C8orf34: variants seen among roughly 807,000 people sequenced by gnomAD.
The protein encoded by C8orf34 is uncharacterized protein C8orf34.
In C8orf34, 65 loss-of-function variants were observed where a neutral mutation model predicts 68.3. That is an observed-to-expected ratio of 0.95 (90% CI 0.78 to 1.17). C8orf34 has a LOEUF of 1.17. Ranked by LOEUF, C8orf34 falls within the 50% of genes most tolerant of loss-of-function variation. The pLI is 0.00. For synonymous variants in C8orf34, 244 were observed against 241.2 expected (o/e 1.01, Z -0.11); for missense variants, 664 against 655.4 (o/e 1.01, Z -0.14).
At chr8:68,482,245 T>G (rs1284341037) in intron 4 of C8orf34, among the ~76,000 whole-genome samples, 2 of 152,212 alleles carry the variant, frequency 1.3e-5, no homozygotes, top group African/African-American at 4.8e-5. Context: ...CCACCATGAT[T>G]CTGGGGCCTC....
chr8:68,685,157 C>G lies in C8orf34; in HGVS notation c.1242-23837C>G, dbSNP rs189416587. Among the ~76,000 whole-genome samples, 104 of 152,154 alleles carry G rather than the reference C, an allele frequency of 6.8e-4. 1 individual carries two copies. Among genetic ancestry groups the G allele is most frequent in the Admixed American group, 3.7e-3 (57 of 15,278 alleles). Reference sequence around the variant, plus strand: ...AACATATATGTACTTAATGCTTGAACCTATTGTTATTTCAAACTTTCCTCT... The same window carrying G: ...AACATATATGTACTTAATGCTTGAAGCTATTGTTATTTCAAACTTTCCTCT... On this transcript the variant is annotated intron_variant, in intron 8 of 13. Coordinates refer to ENST00000518698, the MANE Select transcript of C8orf34 (RefSeq NM_052958.4).
intron 3 of C8orf34, among the ~76,000 whole-genome samples, chr8:68,452,185 T>C (rs1811372975): frequency 6.6e-6 from 1 of 151,618 alleles, no homozygotes; most frequent in Admixed American, 6.6e-5. Context: ...AGTGTTCATA[T>C]ACAAGCATTT....
At chr8:68,406,330 G>T (rs1809192035) in intron 1 of C8orf34, among the ~76,000 whole-genome samples, 1 of 152,120 alleles carries the variant, frequency 6.6e-6, no homozygotes, top group South Asian at 2.1e-4. Flanking sequence ...TAGGGTCTGA[G>T]TGATGTACTA....
At chr8:68,430,109 A>G (rs533899599) in intron 1 of C8orf34, among the ~76,000 whole-genome samples, 1 of 152,216 alleles carries the variant, frequency 6.6e-6, no homozygotes, top group East Asian at 1.9e-4. Flanking sequence ...GAGGCTGGAG[A>G]TTGAGCCAAT....
Position 68,598,458 on chromosome 8 carries a change from G to A in C8orf34, c.1106-41918G>A, listed in dbSNP as rs149435791. Among the ~76,000 whole-genome samples, 124 of 152,240 alleles carry A rather than the reference G, an allele frequency of 8.1e-4. 1 individual carries two copies. Among genetic ancestry groups the A allele is most frequent in the South Asian group, 3.9e-3 (19 of 4,822 alleles). On this transcript the variant is annotated intron_variant, in intron 7 of 13. Coordinates refer to ENST00000518698, the MANE Select transcript of C8orf34 (RefSeq NM_052958.4). ...AGTCCAGTTCCTCAGACAGCAAAGC[G>A]CACCAGTGGGAAGAGGCCGTGGCAC...
intron 8 of C8orf34, among the ~76,000 whole-genome samples, chr8:68,667,198 G>T (rs975252436): frequency 6.6e-6 from 1 of 152,072 alleles, no homozygotes; most frequent in East Asian, 1.9e-4. Flanking sequence ...TATTCCCTTG[G>T]TCCATCAAAA....
intron 11 of C8orf34, among the ~76,000 whole-genome samples, chr8:68,785,509 C>T (rs1358642821): frequency 6.6e-6 from 1 of 152,166 alleles, no homozygotes; most frequent in East Asian, 1.9e-4. Flanking sequence ...GAGTACAGTG[C>T]ATATGTAGAG....
chr8:68,759,143 T>A (rs917730910), intron 10 of C8orf34, among the ~76,000 whole-genome samples: 2 of 152,166 alleles, frequency 1.3e-5, no homozygotes, highest in Non-Finnish European at 2.9e-5. Flanking sequence ...TTAATCATTC[T>A]AACCAAATCT....
At chr8:68,635,672 C>A (rs1291915976) in intron 7 of C8orf34, among the ~76,000 whole-genome samples, 1 of 152,168 alleles carries the variant, frequency 6.6e-6, no homozygotes, top group Non-Finnish European at 1.5e-5. Context: ...CCACTATAAA[C>A]AATTATTTAG....
chr8:68,758,338 G>C (rs1351359435), intron 10 of C8orf34, among the ~76,000 whole-genome samples: 3 of 152,160 alleles, frequency 2.0e-5, no homozygotes, highest in African/African-American at 7.2e-5. Flanking sequence ...TGGGTCAGTA[G>C]ATTTTGGTAG....
intron 8 of C8orf34, among the ~76,000 whole-genome samples, chr8:68,705,331 A>G (rs1821132090): frequency 6.6e-6 from 1 of 152,112 alleles, no homozygotes; most frequent in Non-Finnish European, 1.5e-5. Flanking sequence ...CCTTGGATAG[A>G]GCTGAGGGAA....
At chr8:68,609,362 C>T (rs1448084494) in intron 7 of C8orf34, among the ~76,000 whole-genome samples, 1 of 152,048 alleles carries the variant, frequency 6.6e-6, no homozygotes, top group Non-Finnish European at 1.5e-5. Flanking sequence ...ATAGTTGAAA[C>T]CCTTGGTAAT....
At chr8:68,582,075 C>T (rs1207206077) in intron 7 of C8orf34, among the ~76,000 whole-genome samples, 1 of 152,076 alleles carries the variant, frequency 6.6e-6, no homozygotes. Flanking sequence ...ACTCCTATAA[C>T]AAAAGTCAGG....
At chr8:68,428,632 T>G (rs1443770998) in intron 1 of C8orf34, among the ~76,000 whole-genome samples, 1 of 152,026 alleles carries the variant, frequency 6.6e-6, no homozygotes, top group Non-Finnish European at 1.5e-5. Flanking sequence ...GAACATAATC[T>G]TGGCAGAATA....
At chr8:68,333,030 C>T (rs1236128589) in intron 1 of C8orf34, among the ~76,000 whole-genome samples, 1 of 152,084 alleles carries the variant, frequency 6.6e-6, no homozygotes, top group Non-Finnish European at 1.5e-5. Context: ...TCTCTCTACT[C>T]TCCTGGAGTA....
chr8:68,354,667 A>G (rs773271421), intron 1 of C8orf34, among the ~76,000 whole-genome samples: 2 of 152,092 alleles, frequency 1.3e-5, no homozygotes, highest in Non-Finnish European at 2.9e-5. Flanking sequence ...TGTGTCTCCT[A>G]GAGGTCACAG....
At chr8:68,385,689 A>G (rs1201093946) in intron 1 of C8orf34, among the ~76,000 whole-genome samples, 1 of 152,164 alleles carries the variant, frequency 6.6e-6, no homozygotes, top group Non-Finnish European at 1.5e-5. Flanking sequence ...AAAGCCTTTC[A>G]TATACACAAC....
chr8:68,569,033 G>A (rs757440790), intron 7 of C8orf34, among the ~76,000 whole-genome samples: 13 of 152,150 alleles, frequency 8.5e-5, no homozygotes, highest in Non-Finnish European at 1.3e-4. Context: ...GTCAACTCCC[G>A]TTGTAGACTG....
chr8:68,649,804 T>C (rs1490957478), intron 8 of C8orf34, among the ~76,000 whole-genome samples: 1 of 152,152 alleles, frequency 6.6e-6, no homozygotes, highest in Admixed American at 6.5e-5. Context: ...GCAAGTGATA[T>C]CAGGGTTGAA....
Sources: gnomAD v4.1 joint callset for allele counts (sites outside exome capture counted in the v4.1 genomes callset) on GRCh38, gnomAD v4.1.1 for gene constraint, MANE v1.5 for transcripts, NCBI Gene and HGNC (gene_info 2026-07-23, HGNC 2026-07-21) for gene names.